CPA6: variants seen among roughly 807,000 people sequenced by gnomAD.
CPA6 encodes carboxypeptidase B.
In CPA6, 58 loss-of-function variants were observed where a neutral mutation model predicts 63.3. The observed-to-expected ratio is 0.92, with a 90% CI of 0.74 to 1.14. CPA6 has a LOEUF of 1.14. Among genes scored for constraint, CPA6 ranks in the 50% most tolerant of loss-of-function variants. The pLI is 0.00. For missense variants in CPA6, 565 were observed against 526.6 expected (o/e 1.07, Z -0.71); for synonymous variants, 185 against 179.0 (o/e 1.03, Z -0.27).
At chr8:67,438,654 G>A (rs1483039723) in intron 8 of CPA6, among the ~76,000 whole-genome samples, 1 of 152,126 alleles carries the variant, frequency 6.6e-6, no homozygotes, top group Non-Finnish European at 1.5e-5. Context: ...TATGAGAATC[G>A]CAGGTTAGTA....
intron 8 of CPA6, among the ~76,000 whole-genome samples, chr8:67,474,427 T>C (rs1379244818): frequency 6.6e-6 from 1 of 152,160 alleles, no homozygotes; most frequent in East Asian, 2.0e-4. Flanking sequence ...TTCACCATAT[T>C]GGCCAGGCTG....
chr8:67,478,950 G>A (rs145303682), intron 8 of CPA6, among the ~76,000 whole-genome samples: 8 of 152,172 alleles, frequency 5.3e-5, no homozygotes, highest in Middle Eastern at 3.2e-3. Context: ...GAACCCGGGA[G>A]GCAGAGTTTG....
At chr8:67,743,262 CT>C (rs962047150) in intron 1 of CPA6, among the ~76,000 whole-genome samples, 2 of 152,126 alleles carry the variant, frequency 1.3e-5, no homozygotes, top group African/African-American at 4.8e-5. Context: ...AAGGCACTAG[CT>C]TTTGTCATCA....
intron 1 of CPA6, among the ~76,000 whole-genome samples, chr8:67,661,410 AC>A (rs1387272710): frequency 6.6e-6 from 1 of 152,108 alleles, no homozygotes; most frequent in African/African-American, 2.4e-5. Context: ...AATCCAAGGG[AC>A]CGAGGAAGCC....
chr8:67,479,521 G>A (rs1185932512), intron 8 of CPA6, among the ~76,000 whole-genome samples: 3 of 152,158 alleles, frequency 2.0e-5, no homozygotes, highest in Admixed American at 6.5e-5. Flanking sequence ...AAACTTCAGA[G>A]GGCAAAGGGA....
chr8:67,700,992 T>G (rs1012234696), intron 1 of CPA6, among the ~76,000 whole-genome samples: 5 of 152,180 alleles, frequency 3.3e-5, no homozygotes, highest in African/African-American at 7.2e-5. Flanking sequence ...TAGAATATTA[T>G]AGACATAATC....
At position 67,473,822 on chromosome 8, in the gene CPA6, G is replaced by C. The variant is rs1811115754; in HGVS notation, c.838+9946C>G. Among the ~76,000 whole-genome samples the C allele has an allele frequency of 2.0e-5, 3 of 152,026 alleles. No homozygotes were observed. In the South Asian group the frequency reaches 6.2e-4, roughly 32 times the overall value. ...GGTTTCACCATTGTTGCCCAGGCTG[G>C]TCTCGAAATCCCGGGCTCAGGTGAT... On this transcript the variant is annotated intron_variant, in intron 8 of 10. Coordinates refer to ENST00000297770, the MANE Select transcript of CPA6 (RefSeq NM_020361.5).
At chr8:67,497,597 A>G (rs1375128299) in intron 6 of CPA6, among the ~76,000 whole-genome samples, 3 of 152,194 alleles carry the variant, frequency 2.0e-5, no homozygotes, top group Admixed American at 2.0e-4. Context: ...GTACACACAT[A>G]GGAGTGGAAT....
intron 8 of CPA6, among the ~76,000 whole-genome samples, chr8:67,462,160 T>C (rs147771526): frequency 3.2e-4 from 48 of 152,310 alleles, no homozygotes; most frequent in Middle Eastern, 6.8e-3. Flanking sequence ...ACTGCTTTTT[T>C]GGGTGTAAAT....
intron 2 of CPA6, among the ~76,000 whole-genome samples, chr8:67,542,662 A>C (rs2128971145): frequency 6.6e-6 from 1 of 152,358 alleles, no homozygotes; most frequent in African/African-American, 2.4e-5. Flanking sequence ...GCATTGGTTC[A>C]TACATGATCC....
At chr8:67,622,129 T>C (rs1815097088) in intron 2 of CPA6, among the ~76,000 whole-genome samples, 1 of 152,212 alleles carries the variant, frequency 6.6e-6, no homozygotes, top group South Asian at 2.1e-4. Flanking sequence ...GATTCACAAA[T>C]GGTAGAAACA....
chr8:67,661,251 G>A (rs868490302), intron 1 of CPA6, among the ~76,000 whole-genome samples: 8 of 152,134 alleles, frequency 5.3e-5, no homozygotes, highest in Non-Finnish European at 7.4e-5. Context: ...TTTCAGGCAG[G>A]GAGAAGAGCA....
intron 2 of CPA6, among the ~76,000 whole-genome samples, chr8:67,593,868 A>G (rs994457013): frequency 6.7e-6 from 1 of 148,592 alleles, no homozygotes; most frequent in Non-Finnish European, 1.5e-5. Context: ...TAATTGGAGC[A>G]TTTAGTCCAT....
chr8:67,686,047 T>C (rs1221772310), intron 1 of CPA6, among the ~76,000 whole-genome samples: 1 of 152,248 alleles, frequency 6.6e-6, no homozygotes, highest in African/African-American at 2.4e-5. Context: ...CCATCATAGA[T>C]AGGGCCTATG....
chr8:67,535,492 G>A (rs963628022), intron 2 of CPA6, among the ~76,000 whole-genome samples: 12 of 152,066 alleles, frequency 7.9e-5, no homozygotes, highest in Non-Finnish European at 1.5e-4. Context: ...TATGTTTGTT[G>A]GCTGCATAAA....
intron 2 of CPA6, among the ~76,000 whole-genome samples, chr8:67,619,506 G>A (rs1186688669): frequency 6.6e-6 from 1 of 152,126 alleles, no homozygotes; most frequent in African/African-American, 2.4e-5. Flanking sequence ...GCATTGACCG[G>A]GGTGTGCTGA....
intron 1 of CPA6, among the ~76,000 whole-genome samples, chr8:67,737,227 T>C (rs1287145106): frequency 6.6e-6 from 1 of 152,146 alleles, no homozygotes; most frequent in Non-Finnish European, 1.5e-5. Context: ...GAAAGATGCC[T>C]TCTGTTATAG....
At chr8:67,564,415 C>CTTT (rs200491437) in intron 2 of CPA6, among the ~76,000 whole-genome samples, 8 of 141,190 alleles carry the variant, frequency 5.7e-5, no homozygotes, top group South Asian at 2.2e-4. Context: ...TAAAAGTGTT[C>CTTT]TTTTTTTTTT....
intron 2 of CPA6, among the ~76,000 whole-genome samples, chr8:67,609,088 C>T (rs190804258): frequency 6.6e-6 from 1 of 152,334 alleles, no homozygotes; most frequent in Admixed American, 6.5e-5. Flanking sequence ...ACTCACATTG[C>T]ACAACGTCCT....
Sources: allele counts gnomAD v4.1 joint callset (sites outside exome capture counted in the v4.1 genomes callset), GRCh38; gene constraint gnomAD v4.1.1; transcripts MANE v1.5; gene names NCBI Gene and HGNC (gene_info 2026-07-23, HGNC 2026-07-21).